TIAM2: variants seen among roughly 807,000 people sequenced by gnomAD.
The protein encoded by TIAM2 is TIAM Rac1 associated GEF 2.
In TIAM2, 80 loss-of-function variants were observed where a neutral mutation model predicts 152.9. The ratio of observed to expected loss-of-function variants is 0.52; its 90% CI spans 0.44 to 0.63. The LOEUF is 0.63. TIAM2 is among the 30% of genes least tolerant of loss of function. The probability of loss-of-function intolerance (pLI) is 0.00; values close to 1 mark genes in which losing one functional copy is unlikely to be tolerated. For synonymous variants in TIAM2, 804 were observed against 838.0 expected (o/e 0.96, Z 0.70); for missense variants, 1,965 against 2,120.1 (o/e 0.93, Z 1.44).
intron 1 of TIAM2, among the ~76,000 whole-genome samples, chr6:155,049,680 C>A (rs937353510): frequency 6.6e-6 from 1 of 152,014 alleles, no homozygotes; most frequent in Non-Finnish European, 1.5e-5. Flanking sequence ...TAATAGCAGT[C>A]CTTAATTAAG....
chr6:155,254,437 C>G lies in TIAM2; in HGVS notation c.4332C>G (p.Thr1444=), dbSNP rs761034638. The change falls in exon 26 of 27, where the codon ACC becomes ACG. Residue 1444 remains threonine (T), a synonymous_variant. Transcript: ENST00000682666. ...CACCCAGTGACAGTGAAAGCAAAACCAACATTGTTAAGGTGATTCGTTCTA... is the reference window on the plus strand; with the variant it reads ...CACCCAGTGACAGTGAAAGCAAAACGAACATTGTTAAGGTGATTCGTTCTA... ...QLCCSDSESK[T]NIVKVIRSIL... is the part of the protein sequence containing the mutation. 5.6e-6 allele frequency: 9 copies of G among 1,612,690 alleles called. No individual in the cohort carries two copies. In the South Asian group the frequency reaches 7.7e-5, roughly 14 times the overall value.
intron 9 of TIAM2, among the ~76,000 whole-genome samples, chr6:155,171,565 TAAA>T (rs959098058): frequency 1.2e-4 from 18 of 151,702 alleles, no homozygotes; most frequent in African/African-American, 3.9e-4. Context: ...AAAAAAAACC[TAAA>T]AAACCCCAAA....
chr6:155,066,930 T>A (rs1000069886), intron 1 of TIAM2, among the ~76,000 whole-genome samples: 2 of 152,182 alleles, frequency 1.3e-5, no homozygotes, highest in African/African-American at 4.8e-5. Flanking sequence ...TAATTTTTTG[T>A]ATTTTTAATA....
chr6:155,047,727 G>C (rs1259526984), intron 1 of TIAM2, among the ~76,000 whole-genome samples: 2 of 70,006 alleles, frequency 2.9e-5, no homozygotes, highest in African/African-American at 4.4e-5. Context: ...GAGAGAGAGC[G>C]AGAGAGAGAG....
intron 1 of TIAM2, among the ~76,000 whole-genome samples, chr6:155,042,000 C>T (rs1777057135): frequency 1.3e-5 from 2 of 152,172 alleles, no homozygotes; most frequent in African/African-American, 4.8e-5. Flanking sequence ...TTTTACTCGA[C>T]TTCCCATCCT....
At chr6:155,249,051 A>G (rs1397585706) in intron 20 of TIAM2, among the ~76,000 whole-genome samples, 1 of 152,232 alleles carries the variant, frequency 6.6e-6, no homozygotes, top group African/African-American at 2.4e-5. Context: ...CATTCATACT[A>G]TGTAAAAACT....
intron 1 of TIAM2, among the ~76,000 whole-genome samples, chr6:154,997,660 A>C (rs1479991248): frequency 1.3e-4 from 5 of 38,994 alleles, no homozygotes; most frequent in Non-Finnish European, 2.2e-4. Context: ...TTTTTTTTTG[A>C]GACAGGATCT....
chr6:155,143,113 T>C (rs916237197), intron 5 of TIAM2, among the ~76,000 whole-genome samples: 1 of 152,210 alleles, frequency 6.6e-6, no homozygotes, highest in Admixed American at 6.5e-5. Context: ...GAAAGGCACT[T>C]GCGAAGCACC....
At position 155,213,724 on chromosome 6, in the gene TIAM2, C is replaced by T. The variant is rs1781779964; in HGVS notation, c.3168+2417C>T. ...CCAGGCTGTTTGTGCCAAAGGGTGC[C>T]TGCAGGCCAGGGCCGAGCTGCCCTC... On this transcript the variant is annotated intron_variant, in intron 15 of 26. Transcript: ENST00000682666. This position sits in a 1 kb window ranked among gnomAD's most constrained non-coding sequence, Gnocchi z 4.2. Among the ~76,000 whole-genome samples the T allele has an allele frequency of 6.6e-6, 1 of 152,226 alleles. No individual in the cohort carries two copies. Among genetic ancestry groups the T allele is most frequent in the African/African-American group, 2.4e-5 (1 of 41,468 alleles).
chr6:155,179,007 T>TA, intron 10 of TIAM2, 32 bp from the exon 11 acceptor site: 1 of 1,532,422 alleles, frequency 6.5e-7, no homozygotes, highest in Non-Finnish European at 9.0e-7. Flanking sequence ...AAAGAGCATT[T>TA]AAAATCTGAA....
chr6:155,039,133 A>T (rs1441073666), intron 1 of TIAM2, among the ~76,000 whole-genome samples: 2 of 150,456 alleles, frequency 1.3e-5, no homozygotes, highest in African/African-American at 4.9e-5. Context: ...GCTAACTTTC[A>T]TTTTTTTGTG....
chr6:155,058,278 G>A (rs1232580366), intron 1 of TIAM2, among the ~76,000 whole-genome samples: 3 of 152,166 alleles, frequency 2.0e-5, no homozygotes, highest in Non-Finnish European at 4.4e-5. Flanking sequence ...ATGTGTGAGT[G>A]TCAAGTGGCT....
At position 155,029,335 on chromosome 6, in the gene TIAM2, T is replaced by G. The variant is rs1014536101; in HGVS notation, c.-209+33843T>G. 1.1e-4 allele frequency among the ~76,000 whole-genome samples: 12 copies of G among 106,020 alleles called. No homozygotes were observed. The South Asian group carries it at 1.3e-3, about 11-fold the overall frequency. The allele number at this position is 106,020 out of a possible 152,430, so 69.6% of individuals were successfully genotyped here. On this transcript the variant is annotated intron_variant, in intron 1 of 26. Coordinates refer to ENST00000682666, the MANE Select transcript of TIAM2 (RefSeq NM_012454.4). ...TTATATATACTATATGTACTATGTGTTATATATAATATATATACGTTATAT... is the reference window on the plus strand; with the variant it reads ...TTATATATACTATATGTACTATGTGGTATATATAATATATATACGTTATAT...
chr6:155,124,784 C>T (rs963353672), intron 2 of TIAM2, among the ~76,000 whole-genome samples: 7 of 152,120 alleles, frequency 4.6e-5, no homozygotes, highest in Non-Finnish European at 1.0e-4. Flanking sequence ...GTATAGCAGC[C>T]ACCTTCTCAG....
chr6:155,180,358 A>G (rs553305272), intron 12 of TIAM2, among the ~76,000 whole-genome samples: 1 of 152,132 alleles, frequency 6.6e-6, no homozygotes, highest in Non-Finnish European at 1.5e-5. Context: ...CATTTCCTAC[A>G]TTTCTCCTTG....
Position 155,140,390 on chromosome 6 carries a change from C to T in TIAM2, c.1630+2778C>T, listed in dbSNP as rs528166319. 4.1e-4 allele frequency among the ~76,000 whole-genome samples: 62 copies of T among 152,172 alleles called. 1 individual carries two copies. Among genetic ancestry groups the T allele is most frequent in the Non-Finnish European group, 7.5e-4 (51 of 68,002 alleles). ...GATGTGAATACTTAGAATGGATGCA[C>T]GTTACCCCATCATTTGTCATGTATC... is the stretch of plus-strand genomic sequence containing the variant. On this transcript the variant is annotated intron_variant, in intron 5 of 26. Transcript: ENST00000682666.
chr6:155,055,989 G>C (rs1777442274), intron 1 of TIAM2, among the ~76,000 whole-genome samples: 1 of 151,962 alleles, frequency 6.6e-6, no homozygotes, highest in African/African-American at 2.4e-5. Flanking sequence ...AACAACAAAA[G>C]AGTTGAGCCT....
chr6:155,125,849 A>AG (rs1246429984), intron 2 of TIAM2, among the ~76,000 whole-genome samples: 6 of 151,850 alleles, frequency 4.0e-5, no homozygotes, highest in Non-Finnish European at 2.9e-5. Context: ...AAAAAAAGAG[A>AG]GAAAAAAAAA....
chr6:155,123,187 T>TG (rs1779213088), intron 2 of TIAM2, among the ~76,000 whole-genome samples: 1 of 151,390 alleles, frequency 6.6e-6, no homozygotes, highest in Non-Finnish European at 1.5e-5. Flanking sequence ...TTAAGGCTGT[T>TG]TTTTTTTTTC....
Sources: allele counts gnomAD v4.1 joint callset (sites outside exome capture counted in the v4.1 genomes callset), GRCh38; gene constraint gnomAD v4.1.1; non-coding constraint Gnocchi (gnomAD v3.1); transcripts MANE v1.5; gene names NCBI Gene and HGNC (gene_info 2026-07-23, HGNC 2026-07-21).